Variants in FSHR observed in about 807,000 individuals in gnomAD.
FSHR encodes the protein follicle stimulating hormone receptor.
A neutral mutation model predicts 52.1 loss-of-function variants in FSHR; 46 were observed. The ratio of observed to expected loss-of-function variants is 0.88; its 90% CI spans 0.70 to 1.13. FSHR has a LOEUF of 1.13. FSHR is among the 50% of genes most tolerant of loss of function. The probability of loss-of-function intolerance (pLI) is 0.00; values close to 1 mark genes in which losing one functional copy is unlikely to be tolerated. For missense variants in FSHR, 964 were observed against 834.6 expected (o/e 1.16, Z -1.91); for synonymous variants, 399 against 309.6 (o/e 1.29, Z -3.03).
In FSHR at chr2:49,027,110, T is replaced by C. The variant is rs565886516; in HGVS notation, c.225-6950A>G. 2.2e-4 allele frequency among the ~76,000 whole-genome samples: 33 copies of C among 152,272 alleles called. 1 individual carries two copies. The South Asian group carries it at 4.8e-3, about 22-fold the overall frequency. ...TACTGGCCCACTGGACTAACCTAAG[T>C]TTTTAATTCTGCTGCCATCTCCAAC... On this transcript the variant is annotated intron_variant, in intron 2 of 9. Coordinates refer to ENST00000406846, the MANE Select transcript of FSHR (RefSeq NM_000145.4).
chr2:48,989,173 G>A, intron 5 of FSHR, 119 bp from the exon 6 acceptor site: 1 of 703,526 alleles, frequency 1.4e-6, no homozygotes. Flanking sequence ...AATATAACTA[G>A]TTGTTGTTTA....
chr2:49,143,519 G>A (rs912664891), intron 1 of FSHR, among the ~76,000 whole-genome samples: 10 of 152,136 alleles, frequency 6.6e-5, no homozygotes, highest in Non-Finnish European at 1.3e-4. Flanking sequence ...GATTGAGTGG[G>A]TGAATAATGA....
intron 1 of FSHR, among the ~76,000 whole-genome samples, chr2:49,070,879 G>A (rs899704398): frequency 1.3e-4 from 20 of 152,200 alleles, no homozygotes; most frequent in African/African-American, 4.3e-4. Flanking sequence ...GCATAGTAGA[G>A]CTTGCAAGGA....
chr2:49,043,201 C>A (rs1388190034), intron 2 of FSHR, among the ~76,000 whole-genome samples: 1 of 148,790 alleles, frequency 6.7e-6, no homozygotes, highest in Non-Finnish European at 1.5e-5. Flanking sequence ...AGGAGAAGCA[C>A]TTCTTAGAGC....
In FSHR at chr2:49,112,363, C is replaced by A. The variant is rs149272290; in HGVS notation, c.152+41903G>T. The stretch of plus-strand genomic sequence containing the variant: ...GAACACGGAAATATTTATGATGAAA[C>A]AATAATGTCTAGGACTTGTTTTAAA... On this transcript the variant is annotated intron_variant, in intron 1 of 9. Coordinates refer to ENST00000406846, the MANE Select transcript of FSHR (RefSeq NM_000145.4). 8.7e-3 allele frequency among the ~76,000 whole-genome samples: 1,323 copies of A among 152,044 alleles called. 13 individuals carry two copies. Among genetic ancestry groups the A allele is most frequent in the Non-Finnish European group, 0.013 (859 of 67,970 alleles).
intron 6 of FSHR, among the ~76,000 whole-genome samples, chr2:48,986,393 CT>C (rs34394877): frequency 0.023 from 2,834 of 124,008 alleles, 91 homozygotes; most frequent in African/African-American, 0.081. Flanking sequence ...ATTTGCCATG[CT>C]TTTTTTTTTT....
At chr2:49,056,514 A>T (rs1669071814) in intron 2 of FSHR, among the ~76,000 whole-genome samples, 2 of 149,962 alleles carry the variant, frequency 1.3e-5, no homozygotes, top group South Asian at 4.2e-4. Flanking sequence ...CAGATATAAA[A>T]AGCAAATATT....
chr2:49,116,761 T>A (rs982328955), intron 1 of FSHR, among the ~76,000 whole-genome samples: 10 of 152,166 alleles, frequency 6.6e-5, no homozygotes, highest in African/African-American at 2.4e-4. Context: ...ATATGATAGT[T>A]TGATGCACAT....
intron 1 of FSHR, among the ~76,000 whole-genome samples, chr2:49,118,631 G>A (rs938754100): frequency 3.3e-5 from 5 of 152,150 alleles, no homozygotes; most frequent in Non-Finnish European, 5.9e-5. Context: ...CAGGATGTGG[G>A]TCACATTGGC....
intron 4 of FSHR, among the ~76,000 whole-genome samples, chr2:48,993,292 C>G (rs1313150184): frequency 6.6e-6 from 1 of 152,172 alleles, no homozygotes; most frequent in African/African-American, 2.4e-5. Flanking sequence ...GCCAACTAAA[C>G]TTGTTCCCCC....
chr2:49,080,593 A>G (rs1253825670), intron 1 of FSHR, among the ~76,000 whole-genome samples: 1 of 152,214 alleles, frequency 6.6e-6, no homozygotes, highest in East Asian at 1.9e-4. Flanking sequence ...AAAAGTTGAT[A>G]AGATGTATGT....
intron 8 of FSHR, among the ~76,000 whole-genome samples, chr2:48,970,592 T>A (rs1207288981): frequency 6.6e-6 from 1 of 152,202 alleles, no homozygotes; most frequent in East Asian, 1.9e-4. Context: ...ACCCAATCTT[T>A]TCAGGTGATC....
chr2:49,032,695 T>C lies in FSHR; in HGVS notation c.225-12535A>G, dbSNP rs190242765. Among the ~76,000 whole-genome samples, 6 of 152,264 alleles carry C rather than the reference T, an allele frequency of 3.9e-5. No individual in the cohort carries two copies. In the East Asian group the frequency reaches 7.7e-4, roughly 20 times the overall value. On this transcript the variant is annotated intron_variant, in intron 2 of 9. Transcript: ENST00000406846. The stretch of plus-strand genomic sequence containing the variant: ...TAAGGCACAGAAAAGTTAGGTGATT[T>C]ACCCAAGGCCACACAGTGAGTGAAA...
rs1655505925 is a variant in FSHR, at chr2:49,032,307, A to G, written c.225-12147T>C. Among the ~76,000 whole-genome samples the G allele has an allele frequency of 2.0e-5, 3 of 152,166 alleles. No homozygotes were observed. The South Asian group carries it at 6.2e-4, about 32-fold the overall frequency. ...CTGCACTTCTGTTTGTAGGCCCCTG[A>G]GTGCTGGAGCTGTGGCAACTGTCAC... On this transcript the variant is annotated intron_variant, in intron 2 of 9. Transcript: ENST00000406846.
At chr2:49,006,810 C>G (rs2104166551) in intron 4 of FSHR, among the ~76,000 whole-genome samples, 1 of 152,258 alleles carries the variant, frequency 6.6e-6, no homozygotes, top group South Asian at 2.1e-4. Context: ...TCCTATATCT[C>G]ACACAAGCCA....
chr2:49,051,828 C>T (rs1452103173), intron 2 of FSHR, among the ~76,000 whole-genome samples: 23 of 151,968 alleles, frequency 1.5e-4, no homozygotes, highest in Admixed American at 1.4e-3. Context: ...TTAGTTTTTG[C>T]GTTTAAGTCA....
chr2:48,979,800 A>G (rs1675161494), intron 8 of FSHR, among the ~76,000 whole-genome samples: 2 of 150,338 alleles, frequency 1.3e-5, no homozygotes, highest in South Asian at 4.2e-4. Flanking sequence ...GATATATCAC[A>G]GTCTTTGTGT....
intron 1 of FSHR, 148 bp from the exon 2 acceptor site, chr2:49,068,438 T>A (rs1267191956): frequency 1.4e-6 from 1 of 711,486 alleles, no homozygotes; most frequent in Non-Finnish European, 2.5e-6. Flanking sequence ...TCTCTTTTCA[T>A]CCTGTCTACA....
intron 2 of FSHR, among the ~76,000 whole-genome samples, chr2:49,061,293 T>C (rs1372236311): frequency 2.6e-5 from 4 of 152,042 alleles, no homozygotes; most frequent in Non-Finnish European, 4.4e-5. Context: ...AAGTATATGC[T>C]GCTGATATGA....
Sources: allele counts gnomAD v4.1 joint callset (sites outside exome capture counted in the v4.1 genomes callset), GRCh38; gene constraint gnomAD v4.1.1; transcripts MANE v1.5; gene names NCBI Gene and HGNC (gene_info 2026-07-23, HGNC 2026-07-21).